PDE7B: variants seen among roughly 807,000 people sequenced by gnomAD.
The protein encoded by PDE7B is 3',5'-cyclic-AMP phosphodiesterase 7B.
Under a neutral mutation model 56.2 loss-of-function variants are expected in PDE7B, and 29 were observed. The observed-to-expected ratio is 0.52, with a 90% CI of 0.38 to 0.70. The LOEUF (loss-of-function observed/expected upper bound fraction) is 0.70. Among genes scored for constraint, PDE7B ranks in the 30% least tolerant of loss-of-function variants. The pLI, the probability that PDE7B is intolerant of heterozygous loss-of-function variation, is 0.00. For missense variants in PDE7B, 490 were observed against 565.0 expected (o/e 0.87, Z 1.35); for synonymous variants, 197 against 196.9 (o/e 1.00, Z 0.00).
chr6:135,872,210 G>A (rs1199507461), intron 1 of PDE7B, among the ~76,000 whole-genome samples: 3 of 152,088 alleles, frequency 2.0e-5, no homozygotes, highest in African/African-American at 7.2e-5. Flanking sequence ...GTAGCATCCT[G>A]GTAATTTGCC....
At chr6:135,952,884 TTTAG>T (rs1439102608) in intron 2 of PDE7B, among the ~76,000 whole-genome samples, 3 of 152,174 alleles carry the variant, frequency 2.0e-5, no homozygotes, top group South Asian at 2.1e-4. Context: ...GTCTCTTTTA[TTTAG>T]TTAGAGAGTC....
chr6:135,981,217 A>T (rs1775288777), intron 2 of PDE7B, among the ~76,000 whole-genome samples: 1 of 145,476 alleles, frequency 6.9e-6, no homozygotes, highest in African/African-American at 2.5e-5. Flanking sequence ...TCTCACTCAT[A>T]GGTGGGAATT....
At chr6:136,012,076 G>T (rs113159666) in intron 2 of PDE7B, among the ~76,000 whole-genome samples, 127 of 152,178 alleles carry the variant, frequency 8.3e-4, no homozygotes, top group Admixed American at 1.6e-3. Flanking sequence ...TAACTTCCTT[G>T]TTCTACTTGC....
At chr6:136,014,953 G>A (rs1394749008) in intron 2 of PDE7B, among the ~76,000 whole-genome samples, 1 of 152,224 alleles carries the variant, frequency 6.6e-6, no homozygotes, top group Non-Finnish European at 1.5e-5. Context: ...AATACCCTAT[G>A]AGAGCTGCAA....
At position 136,136,850 on chromosome 6, in the gene PDE7B, G is replaced by C. The variant is rs181868282; in HGVS notation, c.167-10501G>C. 2.7e-3 allele frequency among the ~76,000 whole-genome samples: 412 copies of C among 151,640 alleles called. 5 individuals are homozygous for C. The highest frequency in any genetic ancestry group is 9.5e-3 in the African/African-American group (392 of 41,344). On this transcript the variant is annotated intron_variant, in intron 3 of 12. Transcript: ENST00000308191. The stretch of plus-strand genomic sequence containing the variant: ...GGTTGACTCAGAAAATGATTACAAT[G>C]TGTATGTATAAGTTTTAGCATCTCC...
chr6:136,044,700 T>G (rs1262122578), intron 2 of PDE7B: 1 of 152,206 alleles, frequency 6.6e-6, no homozygotes, highest in Non-Finnish European at 1.5e-5. Flanking sequence ...TTTAAAATAA[T>G]TACTCTGTTC....
chr6:136,165,594 C>G (rs1227612567), intron 8 of PDE7B: 1 of 152,180 alleles, frequency 6.6e-6, no homozygotes, highest in Admixed American at 6.5e-5. Context: ...TCTTTTAGTT[C>G]TACAATCTGT....
chr6:135,851,936 A>G lies in PDE7B; in HGVS notation c.-63A>G. 2 of 1,253,886 alleles carry G rather than the reference A, an allele frequency of 1.6e-6. No homozygotes were observed. The highest frequency in any genetic ancestry group is 1.2e-5 in the South Asian group (1 of 83,472). 77.7% of individuals were successfully genotyped at this position (1,253,886 alleles called of 1,614,324 possible). ...GATTCTGCAGCACAAGTCTTCATGA[A>G]CAAGCAGCACCGCTCAGAGATTTCA... On this transcript the variant is annotated 5_prime_UTR_variant, in exon 1 of 13. Transcript: ENST00000308191.
At chr6:136,080,719 A>G (rs1353693496) in intron 2 of PDE7B, among the ~76,000 whole-genome samples, 2 of 152,198 alleles carry the variant, frequency 1.3e-5, no homozygotes, top group Non-Finnish European at 2.9e-5. Context: ...TTATTTGCTC[A>G]ATAAACATTA....
rs1779278290 is a variant in PDE7B at position 136,194,333 on chromosome 6, G to C, written c.*2493G>C. ...TATTCTTAGTAGTTCTGAGTTGATA[G>C]TTTACATTACAATTAGGTCTTGAAG... is the stretch of plus-strand genomic sequence containing the variant. On this transcript the variant is annotated 3_prime_UTR_variant, in exon 13 of 13. Coordinates refer to ENST00000308191, the MANE Select transcript of PDE7B (RefSeq NM_018945.4). 6.6e-6 allele frequency: 1 copy of C among 152,048 alleles called. No homozygotes were observed. The highest frequency in any genetic ancestry group is 2.4e-5 in the African/African-American group (1 of 41,392). The allele number at this position is 152,048 out of a possible 1,614,324, so 9.4% of individuals were successfully genotyped here. A position where few individuals can be genotyped will look rare whatever the true frequency, so the allele number is the denominator to read the frequency against.
intron 12 of PDE7B, among the ~76,000 whole-genome samples, chr6:136,189,251 A>G (rs1403263840): frequency 6.6e-6 from 1 of 152,108 alleles, no homozygotes; most frequent in Non-Finnish European, 1.5e-5. Flanking sequence ...CCCTCTCTCT[A>G]CCAAATTCTA....
At chr6:136,176,967 T>C (rs1188309585) in intron 9 of PDE7B, among the ~76,000 whole-genome samples, 1 of 152,158 alleles carries the variant, frequency 6.6e-6, no homozygotes, top group African/African-American at 2.4e-5. Flanking sequence ...CTCTTGTGAA[T>C]TTTCTGTTTT....
intron 12 of PDE7B, among the ~76,000 whole-genome samples, chr6:136,189,062 C>T (rs1779182879): frequency 6.6e-6 from 1 of 152,146 alleles, no homozygotes; most frequent in Non-Finnish European, 1.5e-5. Context: ...AGTAATGCAG[C>T]TATTTCCTCT....
chr6:135,915,972 G>A (rs1773925571), intron 1 of PDE7B, among the ~76,000 whole-genome samples: 1 of 152,146 alleles, frequency 6.6e-6, no homozygotes, highest in African/African-American at 2.4e-5. Context: ...GCACTTAGTT[G>A]TTCTCAGTTT....
intron 2 of PDE7B, among the ~76,000 whole-genome samples, chr6:135,965,880 G>T (rs1229739280): frequency 6.6e-6 from 1 of 152,130 alleles, no homozygotes; most frequent in African/African-American, 2.4e-5. Context: ...TGCATGAGAT[G>T]AGGAGCCAGA....
intron 1 of PDE7B, among the ~76,000 whole-genome samples, chr6:135,886,227 G>T (rs749717043): frequency 6.6e-6 from 1 of 152,114 alleles, no homozygotes; most frequent in African/African-American, 2.4e-5. Context: ...AACTTTTCCT[G>T]AGTGTAGGGT....
At chr6:135,898,957 A>T (rs1054701228) in intron 1 of PDE7B, among the ~76,000 whole-genome samples, 1 of 152,022 alleles carries the variant, frequency 6.6e-6, no homozygotes, top group Non-Finnish European at 1.5e-5. Flanking sequence ...AATAATCCCC[A>T]TGTGTTGAGG....
At chr6:136,013,922 C>T (rs1775933562) in intron 2 of PDE7B, among the ~76,000 whole-genome samples, 1 of 152,162 alleles carries the variant, frequency 6.6e-6, no homozygotes, top group African/African-American at 2.4e-5. Flanking sequence ...TAGGTCTGGG[C>T]AAGGACTAAA....
At chr6:136,117,514 G>T (rs1167367659) in intron 3 of PDE7B, among the ~76,000 whole-genome samples, 2 of 152,198 alleles carry the variant, frequency 1.3e-5, no homozygotes, top group Admixed American at 6.5e-5. Context: ...AGATCAAAAA[G>T]ACCTTTTTTT....
Sources: allele counts gnomAD v4.1 joint callset (sites outside exome capture counted in the v4.1 genomes callset), GRCh38; gene constraint gnomAD v4.1.1; transcripts MANE v1.5; gene names NCBI Gene and HGNC (gene_info 2026-07-23, HGNC 2026-07-21).